AP2A2: variants seen among roughly 807,000 people sequenced by gnomAD.
The protein encoded by AP2A2 is AP-2 complex subunit alpha-2.
AP2A2 carries 32 observed loss-of-function variants against 104.2 expected under a neutral mutation model. That is an observed-to-expected ratio of 0.31 (90% confidence interval 0.23 to 0.41). The LOEUF (loss-of-function observed/expected upper bound fraction) is 0.41. AP2A2 is among the 10% of genes least tolerant of loss of function. The pLI is 1.00. For missense variants in AP2A2, 912 were observed against 1,261.0 expected, an observed-to-expected ratio of 0.72 and a Z score of 4.19; for synonymous variants, 539 against 533.3, an observed-to-expected ratio of 1.01 and a Z score of -0.15.
chr11:988,807 T>C, intron 10 of AP2A2, 118 bp downstream of exon 10: 2 of 1,314,990 alleles, frequency 1.5e-6, no homozygotes, highest in East Asian at 2.3e-5. Flanking sequence ...CATGAGATGC[T>C]GAATACAAGG....
At position 993,444 on chromosome 11, in the gene AP2A2, C is replaced by CATTAT; in HGVS notation, c.1550+64_1550+65insTTATA. ...CGGCGGGCCTCTCGGTGGTCGGTGGCAAGAGGCGAGGCACCAGCTGGCCCT... is the reference window on the plus strand; with the variant it reads ...CGGCGGGCCTCTCGGTGGTCGGTGGCATTATAAGAGGCGAGGCACCAGCTGGCCCT... On this transcript the variant is annotated intron_variant, in intron 12 of 21. Transcript: ENST00000448903. The surrounding 1 kb of genome is among the most constrained non-coding windows in gnomAD (Gnocchi z 8.2). 1 of 1,255,736 alleles carries CATTAT rather than the reference C, an allele frequency of 8.0e-7. No homozygotes were observed. Among genetic ancestry groups the CATTAT allele is most frequent in the Non-Finnish European group, 1.0e-6 (1 of 952,682 alleles). The allele number at this position is 1,255,736 out of a possible 1,614,324, so 77.8% of individuals were successfully genotyped here.
At position 925,970 on chromosome 11, in the gene AP2A2, C is replaced by T. The variant is rs11538723; in HGVS notation, c.-52C>T. On this transcript the variant is annotated 5_prime_UTR_variant, in exon 1 of 22. Transcript: ENST00000448903. ...ACCGCACTCCCCGCTTCCCGCTCCC[C>T]GCGCTCCTCCGCCCGGGTCCGCCAG... 2.0e-3 allele frequency: 2,751 copies of T among 1,342,556 alleles called. 49 individuals are homozygous for T. The African/African-American group carries it at 0.037, about 18-fold the overall frequency. 83.2% of individuals were successfully genotyped at this position (1,342,556 alleles called of 1,614,324 possible). A position where few individuals can be genotyped will look rare whatever the true frequency, so the allele number is the denominator to read the frequency against.
intron 1 of AP2A2, among the ~76,000 whole-genome samples, chr11:947,665 G>A (rs568686017): frequency 1.5e-4 from 23 of 151,954 alleles, no homozygotes; most frequent in Non-Finnish European, 2.1e-4. Flanking sequence ...GCATGGTGGC[G>A]TACTTGGAGA....
intron 8 of AP2A2, 22 bp from the exon 9 acceptor site, chr11:986,763 C>G (rs775808418): frequency 6.2e-7 from 1 of 1,608,944 alleles, no homozygotes; most frequent in Non-Finnish European, 8.5e-7. Flanking sequence ...AAACCCCACC[C>G]ACTTCCCCTC....
At position 1,010,634 on chromosome 11, in the gene AP2A2, A is replaced by T. The variant is rs1180131659; in HGVS notation, c.*9A>T. 6.3e-7 allele frequency: 1 copy of T among 1,582,816 alleles called. No individual in the cohort carries two copies. Among genetic ancestry groups the T allele is most frequent in the South Asian group, 1.2e-5 (1 of 86,408 alleles). On this transcript the variant is annotated 3_prime_UTR_variant, in exon 22 of 22. Transcript: ENST00000448903. The stretch of plus-strand genomic sequence containing the variant: ...TCTCAGCGCAGTTTTAGTCCTGAGG[A>T]TGGAAGACCAGGCTCGTGTGTCTTG...
chr11:1,004,096 T>A (rs1257707149), intron 16 of AP2A2, among the ~76,000 whole-genome samples: 1 of 152,078 alleles, frequency 6.6e-6, no homozygotes, highest in Non-Finnish European at 1.5e-5. Context: ...AATAAGCACC[T>A]GAAAAGATGG....
chr11:943,543 G>C (rs933280678), intron 1 of AP2A2, among the ~76,000 whole-genome samples: 1 of 152,200 alleles, frequency 6.6e-6, no homozygotes, highest in African/African-American at 2.4e-5. Flanking sequence ...GGCAGAAATT[G>C]GGAATAAGAC....
At chr11:971,962 T>C (rs1854845743) in intron 3 of AP2A2, 100 bp from the exon 4 acceptor site, 1 of 1,217,140 alleles carries the variant, frequency 8.2e-7, no homozygotes, top group Non-Finnish European at 1.1e-6. Context: ...GTGCCTGGGC[T>C]GCTTCCGCAT....
intron 2 of AP2A2, among the ~76,000 whole-genome samples, chr11:966,229 G>C (rs374125233): frequency 6.6e-6 from 1 of 152,102 alleles, no homozygotes; most frequent in South Asian, 2.1e-4. Context: ...GCGGTGGCTC[G>C]TGCCTATAAT....
At chr11:976,875 G>C (rs868798757) in intron 4 of AP2A2, among the ~76,000 whole-genome samples, 1 of 152,158 alleles carries the variant, frequency 6.6e-6, no homozygotes, top group Non-Finnish European at 1.5e-5. Flanking sequence ...GGTGGTTTTG[G>C]TGGTGAGAAG....
chr11:1,007,123 A>T (rs1244575516), intron 17 of AP2A2: 1 of 155,482 alleles, frequency 6.4e-6, no homozygotes, highest in African/African-American at 2.4e-5. Flanking sequence ...GGGAGACGCT[A>T]ACGTCTCTAC....
chr11:976,733 T>C (rs1176128052), intron 4 of AP2A2, among the ~76,000 whole-genome samples: 1 of 152,168 alleles, frequency 6.6e-6, no homozygotes, highest in Non-Finnish European at 1.5e-5. Flanking sequence ...CAAGCAGATG[T>C]GGAGCTCCAT....
At chr11:930,120 C>CA (rs1157025547) in intron 1 of AP2A2, among the ~76,000 whole-genome samples, 2,095 of 49,850 alleles carry the variant, frequency 0.042, 24 homozygotes, top group Non-Finnish European at 0.059. Flanking sequence ...GACTCTGTCT[C>CA]AAAAAAAAAA....
At chr11:940,739 T>C (rs1484641382) in intron 1 of AP2A2, 1 of 449,314 alleles carries the variant, frequency 2.2e-6, no homozygotes, top group Non-Finnish European at 4.5e-6. Flanking sequence ...GCTCTCACTT[T>C]GTGCTTGGTG....
At chr11:1,002,085 C>T (rs1477734237) in intron 15 of AP2A2, among the ~76,000 whole-genome samples, 3 of 152,172 alleles carry the variant, frequency 2.0e-5, no homozygotes, top group African/African-American at 4.8e-5. Context: ...TCCTCCAGGC[C>T]AGGTTGTAGT....
chr11:986,706 C>A lies in AP2A2; in HGVS notation c.963-79C>A, dbSNP rs1038857272. 26 of 1,507,118 alleles carry A rather than the reference C, an allele frequency of 1.7e-5. No individual in the cohort carries two copies. The African/African-American group carries it at 3.4e-4, about 20-fold the overall frequency. 93.4% of individuals were successfully genotyped at this position (1,507,118 alleles called of 1,614,324 possible). A position where few individuals can be genotyped will look rare whatever the true frequency, so the allele number is the denominator to read the frequency against. ...GACTTTGCTGTCTGCCATCTGGACC[C>A]GTCGGGGAACGCAGACTCTGTCCAG... On this transcript the variant is annotated intron_variant, in intron 8 of 21. Coordinates refer to ENST00000448903, the MANE Select transcript of AP2A2 (RefSeq NM_012305.4).
At chr11:982,887 G>T (rs750751382) in intron 6 of AP2A2, among the ~76,000 whole-genome samples, 2 of 151,986 alleles carry the variant, frequency 1.3e-5, no homozygotes, top group Admixed American at 6.6e-5. Flanking sequence ...CTGACCTCAG[G>T]TGATCTGCCC....
intron 16 of AP2A2, among the ~76,000 whole-genome samples, chr11:1,004,848 T>C (rs1333113835): frequency 4.0e-5 from 6 of 151,762 alleles, no homozygotes; most frequent in Admixed American, 3.3e-4. Flanking sequence ...GGAAAAAGAG[T>C]GTCTGCAGGG....
At chr11:978,166 G>A (rs114872252) in intron 5 of AP2A2, among the ~76,000 whole-genome samples, 3,450 of 152,208 alleles carry the variant, frequency 0.023, 137 homozygotes, top group African/African-American at 0.078. Flanking sequence ...GCTGTGAGTC[G>A]GCAGGGCCTG....
Sources: allele counts gnomAD v4.1 joint callset (sites outside exome capture counted in the v4.1 genomes callset), GRCh38; gene constraint gnomAD v4.1.1; non-coding constraint Gnocchi (gnomAD v3.1); transcripts MANE v1.5; gene names NCBI Gene and HGNC (gene_info 2026-07-23, HGNC 2026-07-21).